Variants in RYR2 observed in about 807,000 individuals in gnomAD.
RYR2 encodes cardiac muscle ryanodine receptor-calcium release channel.
Under a neutral mutation model 601.1 loss-of-function variants are expected in RYR2, and 227 were observed. The observed-to-expected ratio is 0.38, with a 90% CI of 0.34 to 0.42. The LOEUF is 0.42. Ranked by LOEUF, RYR2 falls within the 10% of genes least tolerant of loss-of-function variation. The pLI is 1.00. For synonymous variants in RYR2, 2,223 were observed against 2,175.1 expected, an observed-to-expected ratio of 1.02 and a Z score of -0.61; for missense variants, 4,646 against 6,156.5, an observed-to-expected ratio of 0.75 and a Z score of 8.21.
chr1:237,458,950 G>T (rs1457202805), intron 16 of RYR2, among the ~76,000 whole-genome samples: 1 of 152,138 alleles, frequency 6.6e-6, no homozygotes, highest in Non-Finnish European at 1.5e-5. Context: ...TTGCAGTTTG[G>T]AACTTTCAGA....
chr1:237,510,147 G>C (rs1665739022), intron 23 of RYR2, among the ~76,000 whole-genome samples: 1 of 152,204 alleles, frequency 6.6e-6, no homozygotes, highest in South Asian at 2.1e-4. Flanking sequence ...GAGCCTGGAG[G>C]CAGGAAGAGA....
chr1:237,091,974 G>A (rs74149711), intron 1 of RYR2, among the ~76,000 whole-genome samples: 1,544 of 152,272 alleles, frequency 0.01, 27 homozygotes, highest in African/African-American at 0.035. Flanking sequence ...GGTTAAAAAT[G>A]GAGAGATGTT....
Position 237,627,892 on chromosome 1 carries a change from G to A in RYR2, c.6252G>A (p.Met2084Ile). The change falls in exon 41 of 105, where the codon ATG (methionine) becomes ATA (isoleucine). Residue 2084 changes from methionine to isoleucine, a missense_variant. Met to Ile is a conservative substitution (Grantham distance 10). Coordinates refer to ENST00000366574, the MANE Select transcript of RYR2 (RefSeq NM_001035.3). ...VIEDPELVRA[M>I]FVLLHRQYDG... ...AAGACCCCGAGCTGGTGAGGGCCATGTTTGTGTTGCTCCATCGGCAGTATG... is the reference window on the plus strand; with the variant it reads ...AAGACCCCGAGCTGGTGAGGGCCATATTTGTGTTGCTCCATCGGCAGTATG... The A allele has an allele frequency of 6.2e-7, 1 of 1,613,956 alleles. No individual in the cohort carries two copies. Among genetic ancestry groups the A allele is most frequent in the Non-Finnish European group, 8.5e-7 (1 of 1,179,882 alleles).
At chr1:237,220,226 G>A (rs1057300459) in intron 1 of RYR2, among the ~76,000 whole-genome samples, 5 of 152,202 alleles carry the variant, frequency 3.3e-5, no homozygotes, top group Non-Finnish European at 7.3e-5. Context: ...AAGCCCAGCT[G>A]GGACAAATAG....
intron 90 of RYR2, 134 bp from the exon 91 acceptor site, chr1:237,785,834 TG>T: frequency 1.5e-6 from 1 of 684,954 alleles, no homozygotes. Context: ...GAAAAACACG[TG>T]GCGCTTTTAT....
At chr1:237,131,183 G>A (rs1672130997) in intron 1 of RYR2, among the ~76,000 whole-genome samples, 1 of 151,988 alleles carries the variant, frequency 6.6e-6, no homozygotes, top group Admixed American at 6.6e-5. Flanking sequence ...GTTCCCCCTG[G>A]GAGGAATTTG....
intron 17 of RYR2, among the ~76,000 whole-genome samples, chr1:237,482,293 T>A (rs1037233594): frequency 2.0e-5 from 3 of 152,150 alleles, no homozygotes; most frequent in Non-Finnish European, 2.9e-5. Flanking sequence ...GTAGTAGGTC[T>A]TACTCATTCT....
chr1:237,585,236 C>A (rs79060382), intron 29 of RYR2, among the ~76,000 whole-genome samples: 2,646 of 152,212 alleles, frequency 0.017, 30 homozygotes, highest in South Asian at 0.032. Flanking sequence ...TGGGATCCAC[C>A]AGACTTGGAT....
At chr1:237,336,997 T>C (rs1380880332) in intron 3 of RYR2, among the ~76,000 whole-genome samples, 1 of 152,062 alleles carries the variant, frequency 6.6e-6, no homozygotes, top group Non-Finnish European at 1.5e-5. Flanking sequence ...ACACCTGTCA[T>C]CCCAGCAATT....
At chr1:237,657,904 C>A (rs1683408607) in intron 53 of RYR2, 40 bp from the exon 54 acceptor site, 7 of 1,082,834 alleles carry the variant, frequency 6.5e-6, no homozygotes, top group South Asian at 1.5e-5. Context: ...CCTGTAAATT[C>A]TGTGAAAATC....
At chr1:237,678,287 G>A (rs1201677159) in intron 61 of RYR2, among the ~76,000 whole-genome samples, 175 bp downstream of exon 61, 1 of 152,162 alleles carries the variant, frequency 6.6e-6, no homozygotes, top group Non-Finnish European at 1.5e-5. Context: ...TTCTTGGTCA[G>A]ACTTTAACTC....
intron 2 of RYR2, among the ~76,000 whole-genome samples, chr1:237,307,875 G>A (rs1694033196): frequency 6.6e-6 from 1 of 152,186 alleles, no homozygotes; most frequent in Non-Finnish European, 1.5e-5. Context: ...GTGCAATAAA[G>A]TTTGCATAAT....
chr1:237,561,516 A>G (rs180754492), intron 27 of RYR2, among the ~76,000 whole-genome samples: 38 of 152,338 alleles, frequency 2.5e-4, no homozygotes, highest in Non-Finnish European at 5.0e-4. Context: ...GATTAGTGTC[A>G]GAAAGGCCAT....
At position 237,767,639 on chromosome 1, in the gene RYR2, CACTA is replaced by C. The variant is rs554697496; in HGVS notation, c.11477-3162_11477-3159del. Reference sequence around the variant, plus strand: ...AGCACAATGCCTAGCACACTGTAGTCACTAACTAAATATTAACTGTAAGCTTATT... The same window carrying C: ...AGCACAATGCCTAGCACACTGTAGTCACTAAATATTAACTGTAAGCTTATT... On this transcript the variant is annotated intron_variant, in intron 84 of 104. Transcript: ENST00000366574. Among the ~76,000 whole-genome samples, 19 of 152,260 alleles carry C rather than the reference CACTA, an allele frequency of 1.2e-4. No individual in the cohort carries two copies. The East Asian group carries it at 2.1e-3, about 17-fold the overall frequency.
intron 1 of RYR2, among the ~76,000 whole-genome samples, chr1:237,143,846 A>G (rs1376403530): frequency 6.6e-6 from 1 of 152,242 alleles, no homozygotes; most frequent in African/African-American, 2.4e-5. Context: ...AGGTAGTAGA[A>G]AAAGAAAACA....
chr1:237,242,198 T>TTTTTTG (rs928421124), intron 1 of RYR2, among the ~76,000 whole-genome samples: 23 of 150,612 alleles, frequency 1.5e-4, no homozygotes, highest in African/African-American at 5.1e-4. Flanking sequence ...TCACTGTTTT[T>TTTTTTG]TTTGTTTGTT....
Position 237,168,780 on chromosome 1 carries a change from A to G in RYR2, c.49-101717A>G, listed in dbSNP as rs73119343. ...CGCTTTCAGATGTCGAATGCTCTAC[A>G]TTGTCTGTAGACTTAATTTGATGGT... On this transcript the variant is annotated intron_variant, in intron 1 of 104. Transcript: ENST00000366574. 5.2e-3 allele frequency among the ~76,000 whole-genome samples: 794 copies of G among 152,264 alleles called. 7 individuals carry two copies. Among genetic ancestry groups the G allele is most frequent in the African/African-American group, 0.018 (730 of 41,550 alleles).
chr1:237,594,893 T>TTGTTTTTTTTTTTTG (rs1675658865), intron 33 of RYR2, among the ~76,000 whole-genome samples: 2 of 15,748 alleles, frequency 1.3e-4, no homozygotes, highest in African/African-American at 2.1e-4. Flanking sequence ...TGGGTTTTTT[T>TTGTTTTTTTTTTTTG]TTTTTTTTTT....
At chr1:237,470,770 C>T (rs1660628777) in intron 17 of RYR2, among the ~76,000 whole-genome samples, 1 of 151,886 alleles carries the variant, frequency 6.6e-6, no homozygotes, top group African/African-American at 2.4e-5. Flanking sequence ...TGGACACACA[C>T]ACAAGGAGTG....
Sources: allele counts gnomAD v4.1 joint callset (sites outside exome capture counted in the v4.1 genomes callset), GRCh38; gene constraint gnomAD v4.1.1; transcripts MANE v1.5; gene names NCBI Gene and HGNC (gene_info 2026-07-23, HGNC 2026-07-21).